Variants in CLPB observed in about 807,000 individuals in gnomAD.
CLPB encodes the protein ClpB family mitochondrial disaggregase.
Under a neutral mutation model 78.4 loss-of-function variants are expected in CLPB, and 40 were observed. The ratio of observed to expected loss-of-function variants is 0.51; its 90% confidence interval spans 0.40 to 0.66. CLPB has a LOEUF of 0.66. Ranked by LOEUF, CLPB falls within the 30% of genes least tolerant of loss-of-function variation. CLPB has a pLI of 0.00. For missense variants in CLPB, 780 were observed against 886.9 expected, an observed-to-expected ratio of 0.88 and a Z score of 1.53; for synonymous variants, 333 against 348.0, an observed-to-expected ratio of 0.96 and a Z score of 0.48.
chr11:72,329,838 T>G, intron 5 of CLPB, 34 bp from the exon 6 acceptor site: 1 of 1,551,640 alleles, frequency 6.4e-7, no homozygotes, highest in Non-Finnish European at 8.9e-7. Flanking sequence ...AGAGGCTCTA[T>G]GAACGATCAG....
intron 5 of CLPB, among the ~76,000 whole-genome samples, chr11:72,335,821 T>C (rs1950310850): frequency 6.6e-6 from 1 of 152,204 alleles, no homozygotes; most frequent in Non-Finnish European, 1.5e-5. Context: ...CCAGGTGCCA[T>C]CTTCTGAGGC....
intron 9 of CLPB, among the ~76,000 whole-genome samples, chr11:72,306,886 A>G (rs1949754714): frequency 6.6e-6 from 1 of 152,196 alleles, no homozygotes; most frequent in African/African-American, 2.4e-5. Flanking sequence ...CTAGTACAAC[A>G]CCTGGCATGG....
intron 6 of CLPB, among the ~76,000 whole-genome samples, chr11:72,325,149 T>C (rs1436110214): frequency 6.6e-6 from 1 of 152,166 alleles, no homozygotes; most frequent in Non-Finnish European, 1.5e-5. Context: ...ATTTTTGTTT[T>C]ATCTGCTATC....
At chr11:72,319,156 A>G (rs1330823617) in intron 6 of CLPB, among the ~76,000 whole-genome samples, 1 of 152,014 alleles carries the variant, frequency 6.6e-6, no homozygotes, top group African/African-American at 2.4e-5. Context: ...CTCTCTTCCC[A>G]CCAACCTCCA....
intron 2 of CLPB, among the ~76,000 whole-genome samples, chr11:72,420,934 C>T (rs964179230): frequency 4.6e-5 from 7 of 152,134 alleles, no homozygotes; most frequent in Non-Finnish European, 1.0e-4. Flanking sequence ...CCAAGGCGGG[C>T]GGATCACCAG....
chr11:72,307,625 C>G (rs1364657802), intron 8 of CLPB, among the ~76,000 whole-genome samples: 1 of 152,220 alleles, frequency 6.6e-6, no homozygotes, highest in African/African-American at 2.4e-5. Flanking sequence ...GCATCCCTCT[C>G]AATACCCACA....
At position 72,383,392 on chromosome 11, in the gene CLPB, G is replaced by A. The variant is rs1006109139; in HGVS notation, c.543-3008C>T. Among the ~76,000 whole-genome samples, 7 of 151,840 alleles carry A rather than the reference G, an allele frequency of 4.6e-5. 1 individual carries two copies. In the South Asian group the frequency reaches 6.2e-4, roughly 14 times the overall value. ...TAAAAAATAAAAAAATTAGCCAGGC[G>A]TGGTGGCGGGCGCCTGTAGTCCCAG... On this transcript the variant is annotated intron_variant, in intron 3 of 15. Transcript: ENST00000538039.
chr11:72,420,493 CA>C (rs1285398774), intron 2 of CLPB, among the ~76,000 whole-genome samples: 1 of 150,100 alleles, frequency 6.7e-6, no homozygotes, highest in East Asian at 1.9e-4. Context: ...GACTCCATCT[CA>C]GGGGAAAAAA....
intron 3 of CLPB, among the ~76,000 whole-genome samples, chr11:72,384,631 T>C (rs1488814791): frequency 1.3e-5 from 2 of 152,174 alleles, no homozygotes; most frequent in Non-Finnish European, 2.9e-5. Context: ...AAGACCCTAC[T>C]GTATGTTACC....
intron 7 of CLPB, among the ~76,000 whole-genome samples, chr11:72,316,322 A>G (rs1949940844): frequency 6.6e-6 from 1 of 152,192 alleles, no homozygotes; most frequent in Non-Finnish European, 1.5e-5. Context: ...TCCAGAGACC[A>G]TGCTTTGAGA....
chr11:72,339,283 T>C (rs1452189067), intron 5 of CLPB, among the ~76,000 whole-genome samples: 2 of 152,086 alleles, frequency 1.3e-5, no homozygotes, highest in East Asian at 1.9e-4. Flanking sequence ...GGAAATGTGA[T>C]TGAGAAAGGA....
At chr11:72,380,114 T>C (rs1272256980) in intron 4 of CLPB, among the ~76,000 whole-genome samples, 167 bp downstream of exon 4, 2 of 152,180 alleles carry the variant, frequency 1.3e-5, no homozygotes, top group African/African-American at 4.8e-5. Context: ...GCCAGGGGAC[T>C]GTGAAAGGCA....
At chr11:72,425,494 C>T (rs559414983) in intron 2 of CLPB, among the ~76,000 whole-genome samples, 1 of 152,254 alleles carries the variant, frequency 6.6e-6, no homozygotes, top group South Asian at 2.1e-4. Flanking sequence ...ATGTTTGACT[C>T]ATGTCCTTCT....
intron 2 of CLPB, among the ~76,000 whole-genome samples, chr11:72,407,191 T>A (rs1351915634): frequency 6.6e-6 from 1 of 152,138 alleles, no homozygotes; most frequent in African/African-American, 2.4e-5. Flanking sequence ...TGGAGTGAAA[T>A]CACTGGGTCC....
intron 4 of CLPB, among the ~76,000 whole-genome samples, chr11:72,378,323 C>G (rs574911433): frequency 2.0e-5 from 3 of 152,080 alleles, no homozygotes; most frequent in East Asian, 3.9e-4. Context: ...AAACTGGGAA[C>G]AAAAAGAGGT....
Position 72,317,566 on chromosome 11 carries a change from T to C in CLPB, c.874-346A>G, listed in dbSNP as rs60024067. 0.1 allele frequency among the ~76,000 whole-genome samples: 15,401 copies of C among 152,164 alleles called. 1,368 individuals are homozygous for C. The highest frequency in any genetic ancestry group is 0.24 in the African/African-American group (9,793 of 41,474). ...TCACCTCAGTTTTCTCATCAGCAAATTGGGGATTAAATATTAATATGATGA... is the reference window on the plus strand; with the variant it reads ...TCACCTCAGTTTTCTCATCAGCAAACTGGGGATTAAATATTAATATGATGA... On this transcript the variant is annotated intron_variant, in intron 6 of 15. Transcript: ENST00000538039.
chr11:72,381,974 G>A (rs1854929719), intron 3 of CLPB, among the ~76,000 whole-genome samples: 1 of 152,112 alleles, frequency 6.6e-6, no homozygotes, highest in South Asian at 2.1e-4. Flanking sequence ...ATGGACCCAG[G>A]TCCCAGGCTG....
chr11:72,339,431 C>T (rs1950378180), intron 5 of CLPB, among the ~76,000 whole-genome samples: 1 of 152,126 alleles, frequency 6.6e-6, no homozygotes, highest in Admixed American at 6.5e-5. Flanking sequence ...AATATTAAAA[C>T]CCTGAGAAGC....
At chr11:72,371,327 C>G (rs962348497) in intron 4 of CLPB, among the ~76,000 whole-genome samples, 3 of 151,896 alleles carry the variant, frequency 2.0e-5, no homozygotes, top group Non-Finnish European at 4.4e-5. Flanking sequence ...CTCAGGAGTT[C>G]GAGACCAGCC....
Sources: gnomAD v4.1 joint callset for allele counts (sites outside exome capture counted in the v4.1 genomes callset) on GRCh38, gnomAD v4.1.1 for gene constraint, MANE v1.5 for transcripts, NCBI Gene and HGNC (gene_info 2026-07-23, HGNC 2026-07-21) for gene names.